CNTN5: variants seen among roughly 807,000 people sequenced by gnomAD.
The protein encoded by CNTN5 is contactin 5, also known as contactin-5.
A neutral mutation model predicts 129.1 loss-of-function variants in CNTN5; 77 were observed. That is an observed-to-expected ratio of 0.60 (90% CI 0.50 to 0.72). The LOEUF (loss-of-function observed/expected upper bound fraction) is 0.72. Among genes scored for constraint, CNTN5 ranks in the 30% least tolerant of loss-of-function variants. The pLI, the probability that CNTN5 is intolerant of heterozygous loss-of-function variation, is 0.00. For synonymous variants in CNTN5, 509 were observed against 465.6 expected, an observed-to-expected ratio of 1.09 and a Z score of -1.20; for missense variants, 1,478 against 1,328.8, an observed-to-expected ratio of 1.11 and a Z score of -1.75.
At chr11:99,237,418 C>G (rs1308360159) in intron 1 of CNTN5, among the ~76,000 whole-genome samples, 1 of 152,204 alleles carries the variant, frequency 6.6e-6, no homozygotes, top group African/African-American at 2.4e-5. Context: ...CATGGTGGCT[C>G]AGGCCTGTAA....
chr11:99,324,241 T>C (rs890372242), intron 1 of CNTN5, among the ~76,000 whole-genome samples: 4 of 152,192 alleles, frequency 2.6e-5, no homozygotes, highest in Non-Finnish European at 5.9e-5. Context: ...ACCTTAGGTT[T>C]CCCTGGACTC....
intron 3 of CNTN5, among the ~76,000 whole-genome samples, chr11:99,723,104 G>T (rs1943226364): frequency 6.6e-6 from 1 of 151,430 alleles, no homozygotes; most frequent in Admixed American, 6.6e-5. Context: ...TTTACCTATT[G>T]TTATTTCTAT....
intron 1 of CNTN5, among the ~76,000 whole-genome samples, chr11:99,274,339 C>G (rs1000694930): frequency 7.3e-5 from 11 of 151,652 alleles, no homozygotes; most frequent in African/African-American, 2.7e-4. Context: ...TATGTGTTAA[C>G]ATTCTAAAAT....
chr11:99,894,264 G>C (rs1003787943), intron 6 of CNTN5, among the ~76,000 whole-genome samples: 1 of 151,758 alleles, frequency 6.6e-6, no homozygotes, highest in African/African-American at 2.4e-5. Context: ...GATCTTTCTC[G>C]TCCTCACTTT....
chr11:100,104,619 C>T (rs923538553), intron 13 of CNTN5, among the ~76,000 whole-genome samples: 1 of 152,018 alleles, frequency 6.6e-6, no homozygotes, highest in Non-Finnish European at 1.5e-5. Flanking sequence ...TAACAGTTAA[C>T]TTTACATGGG....
chr11:100,183,632 G>T (rs531606850), intron 13 of CNTN5, among the ~76,000 whole-genome samples: 3 of 152,222 alleles, frequency 2.0e-5, no homozygotes, highest in African/African-American at 7.2e-5. Context: ...AGAAGGGGCT[G>T]GGGGAATGCA....
intron 3 of CNTN5, among the ~76,000 whole-genome samples, chr11:99,708,294 A>G (rs1591510904): frequency 6.6e-6 from 1 of 151,780 alleles, no homozygotes; most frequent in African/African-American, 2.4e-5. Flanking sequence ...TTGAGTTGCT[A>G]TAGTTTCACA....
At chr11:99,574,105 T>C (rs1267749018) in intron 3 of CNTN5, among the ~76,000 whole-genome samples, 4 of 152,140 alleles carry the variant, frequency 2.6e-5, no homozygotes, top group African/African-American at 7.2e-5. Context: ...CCTCCCTGTG[T>C]CCACATGTTC....
chr11:100,057,705 T>C, intron 9 of CNTN5, among the ~76,000 whole-genome samples: 1 of 151,976 alleles, frequency 6.6e-6, no homozygotes, highest in East Asian at 1.9e-4. Context: ...AGCATCTTTG[T>C]GCCCAAATCA....
chr11:99,383,489 T>C (rs1186317830), intron 2 of CNTN5, among the ~76,000 whole-genome samples: 7 of 152,200 alleles, frequency 4.6e-5, no homozygotes, highest in Non-Finnish European at 7.3e-5. Flanking sequence ...TGAGTGATCC[T>C]CTATATGAAC....
chr11:99,564,376 C>A (rs572898635), intron 3 of CNTN5, among the ~76,000 whole-genome samples: 1 of 152,224 alleles, frequency 6.6e-6, no homozygotes, highest in South Asian at 2.1e-4. Flanking sequence ...GCATGAGCCA[C>A]CACACCTGGC....
intron 1 of CNTN5, among the ~76,000 whole-genome samples, chr11:99,152,116 T>C (rs956804823): frequency 6.6e-6 from 1 of 152,198 alleles, no homozygotes; most frequent in Non-Finnish European, 1.5e-5. Flanking sequence ...CACTACCTCT[T>C]GTAATTAAAT....
At chr11:99,342,952 T>C (rs1866590594) in intron 2 of CNTN5, among the ~76,000 whole-genome samples, 1 of 151,880 alleles carries the variant, frequency 6.6e-6, no homozygotes, top group Non-Finnish European at 1.5e-5. Context: ...TAAAAAAAAC[T>C]GAGATATACA....
chr11:100,355,617 T>G (rs1178322866), intron 24 of CNTN5, among the ~76,000 whole-genome samples: 2 of 151,656 alleles, frequency 1.3e-5, no homozygotes, highest in Non-Finnish European at 3.0e-5. Context: ...CATATTGCAT[T>G]ACAACATTCT....
intron 1 of CNTN5, among the ~76,000 whole-genome samples, chr11:99,231,370 G>A (rs1860988087): frequency 1.3e-5 from 2 of 152,098 alleles, no homozygotes; most frequent in South Asian, 4.1e-4. Flanking sequence ...ATCTCATTCT[G>A]GGTTTGATTT....
At chr11:99,733,650 G>A (rs1202933219) in intron 3 of CNTN5, among the ~76,000 whole-genome samples, 2 of 152,166 alleles carry the variant, frequency 1.3e-5, no homozygotes, top group South Asian at 4.1e-4. Flanking sequence ...GCAAGGTGCT[G>A]TAGTTGTATT....
At chr11:99,967,783 C>T (rs1426372674) in intron 8 of CNTN5, among the ~76,000 whole-genome samples, 3 of 152,114 alleles carry the variant, frequency 2.0e-5, no homozygotes, top group Non-Finnish European at 1.5e-5. Context: ...TCCAGTCTCC[C>T]TTCAGGGTCT....
At chr11:99,560,953 T>G (rs891643190) in intron 3 of CNTN5, among the ~76,000 whole-genome samples, 1 of 152,140 alleles carries the variant, frequency 6.6e-6, no homozygotes, top group Non-Finnish European at 1.5e-5. Flanking sequence ...TACTAATACC[T>G]ATTTCATTTC....
intron 1 of CNTN5, among the ~76,000 whole-genome samples, chr11:99,240,009 A>G (rs1227909933): frequency 6.6e-6 from 1 of 152,208 alleles, no homozygotes; most frequent in African/African-American, 2.4e-5. Flanking sequence ...CCTAATTGGA[A>G]TATTGTTTAA....
Sources: allele counts gnomAD v4.1 joint callset (sites outside exome capture counted in the v4.1 genomes callset), GRCh38; gene constraint gnomAD v4.1.1; transcripts MANE v1.5; gene names NCBI Gene and HGNC (gene_info 2026-07-23, HGNC 2026-07-21).